ZNF521: variants seen among roughly 807,000 people sequenced by gnomAD.
ZNF521 encodes zinc finger protein 521.
ZNF521 carries 14 observed loss-of-function variants against 105.5 expected under a neutral mutation model. The ratio of observed to expected loss-of-function variants is 0.13; its 90% CI spans 0.09 to 0.21. The LOEUF (loss-of-function observed/expected upper bound fraction) is 0.21, where lower values mean the gene tolerates loss of function less well. ZNF521 is among the 10% of genes least tolerant of loss of function. The probability of loss-of-function intolerance (pLI) is 1.00; values close to 1 mark genes in which losing one functional copy is unlikely to be tolerated. For synonymous variants in ZNF521, 635 were observed against 606.0 expected, an observed-to-expected ratio of 1.05 and a Z score of -0.70; for missense variants, 1,233 against 1,629.7, an observed-to-expected ratio of 0.76 and a Z score of 4.19.
rs1227750248 is a variant in ZNF521 at position 25,188,785 on chromosome 18, G to A, written c.3658+6375C>T. On this transcript the variant is annotated intron_variant, in intron 5 of 7. Coordinates refer to ENST00000361524, the MANE Select transcript of ZNF521 (RefSeq NM_015461.3). ...TGTGCTGAGCCTAGGACGACAGGGTGGCATCCAGTAATTCTCCTTGAGAAC... is the reference window on the plus strand; with the variant it reads ...TGTGCTGAGCCTAGGACGACAGGGTAGCATCCAGTAATTCTCCTTGAGAAC... Among the ~76,000 whole-genome samples the A allele has an allele frequency of 2.6e-5, 4 of 152,268 alleles. No homozygotes were observed. The South Asian group carries it at 8.3e-4, about 32-fold the overall frequency.
chr18:25,253,304 A>T (rs1015894832), intron 3 of ZNF521, among the ~76,000 whole-genome samples: 18 of 152,270 alleles, frequency 1.2e-4, no homozygotes, highest in Middle Eastern at 6.8e-3. Context: ...CCAGACCCTT[A>T]ACCCCTGAAG....
chr18:25,247,975 C>T (rs1033331104), intron 3 of ZNF521, among the ~76,000 whole-genome samples: 1 of 133,984 alleles, frequency 7.5e-6, no homozygotes, highest in Middle Eastern at 4.1e-3. Flanking sequence ...CTCCCAAATT[C>T]CTGCCATTTG....
chr18:25,175,354 A>G (rs960321281), intron 5 of ZNF521, among the ~76,000 whole-genome samples: 4 of 152,200 alleles, frequency 2.6e-5, no homozygotes, highest in African/African-American at 9.6e-5. Flanking sequence ...GTATCACAGC[A>G]TGGCAAAATT....
chr18:25,310,453 G>C (rs1912240674), intron 3 of ZNF521, among the ~76,000 whole-genome samples: 1 of 151,022 alleles, frequency 6.6e-6, no homozygotes, highest in Admixed American at 6.6e-5. Context: ...AAGAGGGAGG[G>C]AAAAGATTAA....
intron 3 of ZNF521, among the ~76,000 whole-genome samples, chr18:25,319,436 A>T (rs937387622): frequency 4.6e-5 from 7 of 152,082 alleles, no homozygotes; most frequent in Admixed American, 6.6e-5. Context: ...TCTACTAAAA[A>T]GTACAAAAAG....
At chr18:25,271,431 T>C (rs1055768432) in intron 3 of ZNF521, among the ~76,000 whole-genome samples, 3 of 152,118 alleles carry the variant, frequency 2.0e-5, no homozygotes, top group Non-Finnish European at 4.4e-5. Flanking sequence ...AAATTTCATA[T>C]GGAACCAAAA....
At chr18:25,096,983 A>G (rs1410740050) in intron 5 of ZNF521, among the ~76,000 whole-genome samples, 1 of 152,170 alleles carries the variant, frequency 6.6e-6, no homozygotes, top group Admixed American at 6.5e-5. Context: ...ATCCTCATAT[A>G]TATTTTTAAA....
Position 25,093,709 on chromosome 18 carries a change from A to G in ZNF521, c.3659-1628T>C, listed in dbSNP as rs2033796677. Among the ~76,000 whole-genome samples the G allele has an allele frequency of 2.6e-5, 4 of 152,318 alleles. No individual in the cohort carries two copies. In the South Asian group the frequency reaches 8.3e-4, roughly 32 times the overall value. ...CACAAGAGATAAAAACCTACTCTGTATCTGGGTGGCACAGTAAATTCCTTG... is the reference window on the plus strand; with the variant it reads ...CACAAGAGATAAAAACCTACTCTGTGTCTGGGTGGCACAGTAAATTCCTTG... On this transcript the variant is annotated intron_variant, in intron 5 of 7. Coordinates refer to ENST00000361524, the MANE Select transcript of ZNF521 (RefSeq NM_015461.3).
At chr18:25,111,048 C>T (rs930787629) in intron 5 of ZNF521, among the ~76,000 whole-genome samples, 7 of 152,032 alleles carry the variant, frequency 4.6e-5, no homozygotes, top group Non-Finnish European at 1.0e-4. Context: ...CAGGCGTGAG[C>T]CACCACACCT....
In ZNF521 at chr18:25,226,449, T is replaced by C. The variant is rs759609496; in HGVS notation, c.1469A>G (p.Asn490Ser). Residue 490 changes from asparagine (N) to serine (S), a missense_variant, in exon 4 of 8, where the codon AAC (asparagine) becomes AGC (serine). By Grantham distance (46) the Asn-to-Ser change is conservative. Coordinates refer to ENST00000361524, the MANE Select transcript of ZNF521 (RefSeq NM_015461.3). This position sits in a 1 kb window ranked among gnomAD's most constrained non-coding sequence, Gnocchi z 4.1. The stretch of plus-strand genomic sequence containing the variant: ...ACATCGGATGTGTTCCTGAAGAGTG[T>C]TGAGGTCGTTGACAACTTCGGAACA... The part of the protein sequence containing the change: ...NFCSEVVNDL[N>S]TLQEHIRCSH... 8 of 1,614,160 alleles carry C rather than the reference T, an allele frequency of 5.0e-6. No homozygotes were observed. Among genetic ancestry groups the C allele is most frequent in the South Asian group, 1.1e-5 (1 of 91,074 alleles).
chr18:25,186,585 T>G (rs1567999991), intron 5 of ZNF521, among the ~76,000 whole-genome samples: 1 of 152,108 alleles, frequency 6.6e-6, no homozygotes, highest in Non-Finnish European at 1.5e-5. Context: ...TCTGATGAAA[T>G]GAAGGAACTC....
At chr18:25,254,343 T>C (rs1908327439) in intron 3 of ZNF521, among the ~76,000 whole-genome samples, 1 of 152,134 alleles carries the variant, frequency 6.6e-6, no homozygotes, top group African/African-American at 2.4e-5. Context: ...GCCATCTTGA[T>C]AGGGCCAAAC....
At chr18:25,218,853 A>G (rs1167427628) in intron 4 of ZNF521, among the ~76,000 whole-genome samples, 3 of 152,058 alleles carry the variant, frequency 2.0e-5, no homozygotes, top group African/African-American at 4.8e-5. Context: ...CATCTCAAAA[A>G]AAAGAAAAGA....
intron 3 of ZNF521, among the ~76,000 whole-genome samples, chr18:25,305,089 T>C (rs1281928453): frequency 6.6e-6 from 1 of 152,222 alleles, no homozygotes; most frequent in African/African-American, 2.4e-5. Context: ...AATGCACTTC[T>C]TTAGGCACTA....
At chr18:25,091,869 C>A in intron 6 of ZNF521, 81 bp downstream of exon 6, 1 of 1,534,556 alleles carries the variant, frequency 6.5e-7, no homozygotes, top group African/African-American at 1.4e-5. Flanking sequence ...AAGGCCATAG[C>A]AGTGGGAAGT....
chr18:25,349,301 C>T (rs1264131014), intron 2 of ZNF521, among the ~76,000 whole-genome samples: 1 of 152,196 alleles, frequency 6.6e-6, no homozygotes, highest in African/African-American at 2.4e-5. Context: ...GACACCCGCG[C>T]ACGCCCGTGG....
At chr18:25,201,867 A>G (rs535052749) in intron 4 of ZNF521, 7 of 152,194 alleles carry the variant, frequency 4.6e-5, no homozygotes, top group Non-Finnish European at 8.8e-5. Flanking sequence ...AAAAAATAAT[A>G]AAACCTACAT....
At chr18:25,176,594 G>A (rs555630015) in intron 5 of ZNF521, among the ~76,000 whole-genome samples, 65 of 152,288 alleles carry the variant, frequency 4.3e-4, no homozygotes, top group African/African-American at 1.6e-3. Context: ...TCGCTGGAAT[G>A]CTGATGAAGG....
chr18:25,079,378 T>C (rs2033438370), intron 7 of ZNF521, among the ~76,000 whole-genome samples: 1 of 152,220 alleles, frequency 6.6e-6, no homozygotes, highest in Non-Finnish European at 1.5e-5. Context: ...TACTCATCGA[T>C]GATTAGCAGC....
Sources: gnomAD v4.1 joint callset for allele counts (sites outside exome capture counted in the v4.1 genomes callset) on GRCh38, gnomAD v4.1.1 for gene constraint, Gnocchi (gnomAD v3.1) non-coding constraint, MANE v1.5 for transcripts, NCBI Gene and HGNC (gene_info 2026-07-23, HGNC 2026-07-21) for gene names.